The following REDIC1 variants were observed in gnomAD, a reference collection of about 807,000 sequenced individuals.
REDIC1 encodes the protein HEI10 Interacting Protein 1.
chr12:39,871,931 A>G, the REDIC1 span: 2 of 1,609,300 alleles, frequency 1.2e-6, no homozygotes, highest in Non-Finnish European at 1.7e-6. Context: ...CTTCAACACC[A>G]GACATCTGCA....
At chr12:39,830,214 C>T in the REDIC1 span, 1 of 1,613,126 alleles carries the variant, frequency 6.2e-7, no homozygotes, top group Non-Finnish European at 8.5e-7. Flanking sequence ...ATCCAACATA[C>T]ATTCATTACA....
chr12:39,882,581 C>T, the REDIC1 span, among the ~76,000 whole-genome samples: 1 of 152,192 alleles, frequency 6.6e-6, no homozygotes, highest in Non-Finnish European at 1.5e-5. Flanking sequence ...CATAGCATTT[C>T]CCTTCTTTCC....
chr12:39,679,095 C>CCAGAACAGT, the REDIC1 span, among the ~76,000 whole-genome samples: 8 of 152,128 alleles, frequency 5.3e-5, no homozygotes, highest in South Asian at 1.7e-3. Context: ...GAAGTCCTAG[C>CCAGAACAGT]CAGAACAGTC....
At chr12:39,626,375 G>A in the REDIC1 span, 1 of 1,614,086 alleles carries the variant, frequency 6.2e-7, no homozygotes, top group Non-Finnish European at 8.5e-7. Context: ...TTGTGCAGCT[G>A]GAGTTTGAGG....
chr12:39,768,403 A>T, the REDIC1 span, among the ~76,000 whole-genome samples: 1 of 152,072 alleles, frequency 6.6e-6, no homozygotes, highest in Non-Finnish European at 1.5e-5. Context: ...TTGTAGTCAC[A>T]ATTTGGCTAT....
At chr12:39,789,340 A>T in the REDIC1 span, among the ~76,000 whole-genome samples, 2 of 152,046 alleles carry the variant, frequency 1.3e-5, no homozygotes, top group Admixed American at 1.3e-4. Context: ...TAATTTCTTA[A>T]TATTATGCTT....
chr12:39,681,338 G>A, the REDIC1 span, among the ~76,000 whole-genome samples: 1 of 152,146 alleles, frequency 6.6e-6, no homozygotes, highest in Non-Finnish European at 1.5e-5. Context: ...GAGGAGGGAT[G>A]AGGGATAAAA....
chr12:39,864,788 A>T, the REDIC1 span: 1 of 1,613,914 alleles, frequency 6.2e-7, no homozygotes, highest in Non-Finnish European at 8.5e-7. Flanking sequence ...TGGCGTTCTG[A>T]CCTGACGGAG....
the REDIC1 span, among the ~76,000 whole-genome samples, chr12:39,711,888 T>C: frequency 2.4e-5 from 1 of 41,462 alleles, no homozygotes; most frequent in Non-Finnish European, 4.9e-5. Flanking sequence ...TGCATGTGTA[T>C]GTGTATACAC....
chr12:39,713,130 T>C, the REDIC1 span, among the ~76,000 whole-genome samples: 5 of 150,072 alleles, frequency 3.3e-5, 1 homozygote, highest in African/African-American at 1.2e-4. Context: ...TATGTGCATA[T>C]ACGTATATAT....
the REDIC1 span, among the ~76,000 whole-genome samples, chr12:39,790,147 T>C: frequency 1.3e-5 from 2 of 150,652 alleles, no homozygotes; most frequent in African/African-American, 2.4e-5. Flanking sequence ...TTTGACAGAC[T>C]AAGGTTAATT....
the REDIC1 span, among the ~76,000 whole-genome samples, chr12:39,859,667 C>A: frequency 1.3e-5 from 2 of 152,090 alleles, no homozygotes; most frequent in Non-Finnish European, 2.9e-5. Flanking sequence ...GGATTACAGG[C>A]ACCCACAACC....
the REDIC1 span, among the ~76,000 whole-genome samples, chr12:39,720,529 TA>T: frequency 6.6e-6 from 1 of 152,114 alleles, no homozygotes; most frequent in Non-Finnish European, 1.5e-5. Flanking sequence ...GTCTCCTTTT[TA>T]CCTCTTTTGC....
chr12:39,682,681 G>A, the REDIC1 span: 1 of 1,611,530 alleles, frequency 6.2e-7, no homozygotes, highest in Non-Finnish European at 8.5e-7. Flanking sequence ...AAGCACGGAT[G>A]AAATAAGACA....
the REDIC1 span, among the ~76,000 whole-genome samples, chr12:39,690,722 A>C: frequency 4.6e-5 from 7 of 152,286 alleles, no homozygotes; most frequent in East Asian, 1.4e-3. Context: ...CATATATACT[A>C]TTGGAGCAAA....
chr12:39,863,209 T>C, the REDIC1 span, among the ~76,000 whole-genome samples: 1 of 152,264 alleles, frequency 6.6e-6, no homozygotes, highest in African/African-American at 2.4e-5. Flanking sequence ...ATGAGTTAGA[T>C]GATAATACCT....
chr12:39,789,588 T>C, the REDIC1 span, among the ~76,000 whole-genome samples: 17 of 152,300 alleles, frequency 1.1e-4, no homozygotes, highest in East Asian at 3.9e-4. Flanking sequence ...TGCTGGATTA[T>C]AGAGTATGTG....
At chr12:39,682,933 G>C in the REDIC1 span, 16 of 1,613,182 alleles carry the variant, frequency 9.9e-6, no homozygotes, top group Non-Finnish European at 1.0e-5. Context: ...CACTAGTTCT[G>C]ATAAAAACCA....
the REDIC1 span, among the ~76,000 whole-genome samples, chr12:39,681,961 C>T: frequency 1.3e-5 from 2 of 151,424 alleles, no homozygotes; most frequent in Non-Finnish European, 2.9e-5. Flanking sequence ...TTATTTTCCA[C>T]TATATCTTTG....
Sources: gnomAD v4.1 joint callset for allele counts (sites outside exome capture counted in the v4.1 genomes callset) on GRCh38, gnomAD v4.1.1 for gene constraint, MANE v1.5 for transcripts, NCBI Gene and HGNC (gene_info 2026-07-23, HGNC 2026-07-21) for gene names.